Variants in TMEM229B observed in about 807,000 individuals in gnomAD.
TMEM229B encodes the protein transmembrane protein 229B.
Under a neutral mutation model 13.7 loss-of-function variants are expected in TMEM229B, and 6 were observed. The observed-to-expected ratio is 0.44, with a 90% CI of 0.24 to 0.86. TMEM229B has a LOEUF of 0.86. Ranked by LOEUF, TMEM229B falls within the 40% of genes least tolerant of loss-of-function variation. The pLI is 0.23. For missense variants in TMEM229B, 170 were observed against 236.0 expected (o/e 0.72, Z 1.83); for synonymous variants, 107 against 102.1 (o/e 1.05, Z -0.29).
At chr14:67,480,691 G>T (rs1035031143) in intron 2 of TMEM229B, among the ~76,000 whole-genome samples, 15 of 152,154 alleles carry the variant, frequency 9.9e-5, no homozygotes, top group Admixed American at 7.2e-4. Context: ...AACCCCCAGG[G>T]CCCGGGCTGA....
chr14:67,495,087 G>A (rs2032314349), intron 1 of TMEM229B, among the ~76,000 whole-genome samples: 2 of 152,118 alleles, frequency 1.3e-5, no homozygotes, highest in Non-Finnish European at 2.9e-5. Context: ...AAAAAGTTTG[G>A]AGGCAAAAAC....
At chr14:67,526,400 G>A (rs1347575024) in intron 1 of TMEM229B, among the ~76,000 whole-genome samples, 6 of 152,188 alleles carry the variant, frequency 3.9e-5, no homozygotes, top group Non-Finnish European at 7.3e-5. Context: ...CCAAGCTGAC[G>A]GTCTTTGCAT....
intron 1 of TMEM229B, among the ~76,000 whole-genome samples, chr14:67,520,922 C>A (rs1042825224): frequency 2.0e-5 from 3 of 152,216 alleles, no homozygotes; most frequent in Admixed American, 6.5e-5. Context: ...AGCAATTTTG[C>A]ATTCCCACAA....
At chr14:67,497,255 G>A (rs1425502954) in intron 1 of TMEM229B, among the ~76,000 whole-genome samples, 7 of 152,140 alleles carry the variant, frequency 4.6e-5, no homozygotes, top group African/African-American at 7.2e-5. Context: ...CATCCGTCCC[G>A]AGGTTAGGCC....
intron 1 of TMEM229B, among the ~76,000 whole-genome samples, chr14:67,507,017 C>T (rs976491082): frequency 1.3e-5 from 2 of 152,012 alleles, no homozygotes; most frequent in Non-Finnish European, 2.9e-5. Flanking sequence ...AAGAAAAAGC[C>T]TTGTTCAAAG....
At chr14:67,482,935 G>A (rs2031668791) in intron 2 of TMEM229B, among the ~76,000 whole-genome samples, 1 of 152,134 alleles carries the variant, frequency 6.6e-6, no homozygotes, top group Non-Finnish European at 1.5e-5. Context: ...GTATTTCCAT[G>A]TATTAACTCA....
chr14:67,521,906 G>C (rs940692436), intron 1 of TMEM229B, among the ~76,000 whole-genome samples: 1 of 152,228 alleles, frequency 6.6e-6, no homozygotes, highest in African/African-American at 2.4e-5. Context: ...GCCGGGCACG[G>C]TGGCTCATGT....
chr14:67,533,108 C>T (rs1286494564), intron 1 of TMEM229B, among the ~76,000 whole-genome samples: 1 of 152,176 alleles, frequency 6.6e-6, no homozygotes. Context: ...AGAGCTGAGC[C>T]CAGCGCTCTG....
In TMEM229B at chr14:67,473,342, A is replaced by T. The variant is rs1775053261; in HGVS notation, c.*78T>A. 1 of 1,555,034 alleles carries T rather than the reference A, an allele frequency of 6.4e-7. No homozygotes were observed. The highest frequency in any genetic ancestry group is 1.8e-5 in the Admixed American group (1 of 55,160). On this transcript the variant is annotated 3_prime_UTR_variant, in exon 3 of 3. Coordinates refer to ENST00000554480, the MANE Select transcript of TMEM229B (RefSeq NM_001348543.2). The surrounding 1 kb of genome is among the most constrained non-coding windows in gnomAD (Gnocchi z 6.5). ...CCGGAGCAGGGCTTTTGCTGCATGG[A>T]TGGGGCAACCTCACCAGCTTGGTCT...
intron 1 of TMEM229B, among the ~76,000 whole-genome samples, chr14:67,503,073 C>T (rs557011345): frequency 4.6e-5 from 7 of 152,212 alleles, no homozygotes; most frequent in African/African-American, 9.6e-5. Context: ...GATAACCGCA[C>T]GCTAACAAGC....
upstream of TMEM229B, among the ~76,000 whole-genome samples, chr14:67,491,895 G>C (rs758071141): frequency 3.3e-5 from 5 of 152,320 alleles, no homozygotes; most frequent in South Asian, 8.3e-4. Context: ...CCCAGGCCGC[G>C]GGGGCCTGCC....
rs937823631 is a variant in TMEM229B at position 67,479,725 on chromosome 14, GA to G, written c.-18-5785del. On this transcript the variant is annotated intron_variant, in intron 2 of 2. Coordinates refer to ENST00000554480, the MANE Select transcript of TMEM229B (RefSeq NM_001348543.2). ...AGAGTGAGACTCCGTCTCAAAAAAG[GA>G]AAAAAAAATGCTTGTGGAATGAATA... Among the ~76,000 whole-genome samples, 311 of 149,500 alleles carry G rather than the reference GA, an allele frequency of 2.1e-3. 1 individual carries two copies. Among genetic ancestry groups the G allele is most frequent in the African/African-American group, 7.2e-3 (292 of 40,710 alleles).
intron 1 of TMEM229B, among the ~76,000 whole-genome samples, chr14:67,509,507 T>TG (rs1372284821): frequency 1.3e-5 from 2 of 152,082 alleles, no homozygotes; most frequent in East Asian, 1.9e-4. Context: ...TTAGTAGAGA[T>TG]GGGGTTTCAC....
chr14:67,513,947 T>C (rs899074865), intron 1 of TMEM229B, among the ~76,000 whole-genome samples: 4 of 152,178 alleles, frequency 2.6e-5, no homozygotes, highest in South Asian at 2.1e-4. Context: ...AGAAAGACAC[T>C]GTACCACCCC....
chr14:67,486,672 A>G (rs2031900476), intron 2 of TMEM229B, among the ~76,000 whole-genome samples: 1 of 152,104 alleles, frequency 6.6e-6, no homozygotes, highest in Non-Finnish European at 1.5e-5. Context: ...GCCTTCCACC[A>G]TGATTGTGAG....
In TMEM229B at chr14:67,512,114, G is replaced by A. The variant is rs557994444; in HGVS notation, c.-192+2972C>T. Among the ~76,000 whole-genome samples the A allele has an allele frequency of 1.1e-4, 16 of 152,180 alleles. No individual in the cohort carries two copies. In the South Asian group the frequency reaches 3.1e-3, roughly 30 times the overall value. Reference sequence around the variant, plus strand: ...AAAGTATAACCTATGGATCTACTCGGGTACTTGATTTTAAATGCTCTTAAA... The same window carrying A: ...AAAGTATAACCTATGGATCTACTCGAGTACTTGATTTTAAATGCTCTTAAA... On this transcript the variant is annotated intron_variant, in intron 1 of 2. Transcript: ENST00000357461.
chr14:67,492,319 T>TA (rs1435753170), upstream of TMEM229B, among the ~76,000 whole-genome samples: 2 of 152,224 alleles, frequency 1.3e-5, no homozygotes, highest in African/African-American at 4.8e-5. Flanking sequence ...AGGCATGTGT[T>TA]ACTGTAAAGA....
At chr14:67,504,682 C>T (rs112178354) in intron 1 of TMEM229B, among the ~76,000 whole-genome samples, 1 of 152,134 alleles carries the variant, frequency 6.6e-6, no homozygotes. Context: ...GTCAGGAGTT[C>T]AAGACCAGCC....
intron 1 of TMEM229B, among the ~76,000 whole-genome samples, chr14:67,493,902 A>ATT (rs146063577): frequency 1.3e-5 from 2 of 151,702 alleles, no homozygotes; most frequent in African/African-American, 2.4e-5. Context: ...TTTAAAAATA[A>ATT]TTTTTTTTTA....
Sources: gnomAD v4.1 joint callset for allele counts (sites outside exome capture counted in the v4.1 genomes callset) on GRCh38, gnomAD v4.1.1 for gene constraint, Gnocchi (gnomAD v3.1) non-coding constraint, MANE v1.5 for transcripts, NCBI Gene and HGNC (gene_info 2026-07-23, HGNC 2026-07-21) for gene names.